The following PKP2 variants were observed in gnomAD, a reference collection of about 807,000 sequenced individuals.
The protein encoded by PKP2 is plakophilin-2.
In PKP2, 73 loss-of-function variants were observed where a neutral mutation model predicts 83.4. That is an observed-to-expected ratio of 0.88 (90% confidence interval 0.72 to 1.06). The LOEUF is 1.06. PKP2 is among the 50% of genes least tolerant of loss of function. The pLI is 0.00. For missense variants in PKP2, 966 were observed against 1,065.4 expected (o/e 0.91, Z 1.30); for synonymous variants, 409 against 430.4 (o/e 0.95, Z 0.62).
chr12:32,818,691 A>G (rs1956343316), intron 9 of PKP2, among the ~76,000 whole-genome samples: 1 of 152,198 alleles, frequency 6.6e-6, no homozygotes, highest in Admixed American at 6.5e-5. Flanking sequence ...TATGTAAATT[A>G]TATAATCTGT....
At chr12:32,803,795 A>G (rs11052247) in intron 9 of PKP2, among the ~76,000 whole-genome samples, 29,708 of 152,106 alleles carry the variant, frequency 0.2, 3,570 homozygotes, top group East Asian at 0.56. Flanking sequence ...AGGTCATTTT[A>G]TCCAATATTT....
chr12:32,819,333 A>T (rs1956353812), intron 9 of PKP2, among the ~76,000 whole-genome samples: 1 of 148,992 alleles, frequency 6.7e-6, no homozygotes, highest in Admixed American at 6.7e-5. Context: ...AAATAAAATA[A>T]AATAAAATAA....
intron 4 of PKP2, among the ~76,000 whole-genome samples, chr12:32,857,440 A>AAG (rs899759767): frequency 1.1e-3 from 174 of 151,650 alleles, no homozygotes; most frequent in African/African-American, 3.9e-3. Flanking sequence ...AAAAAGAAAA[A>AAG]AGAGAGAGAG....
At chr12:32,885,412 G>A (rs1469997109) in intron 1 of PKP2, among the ~76,000 whole-genome samples, 1 of 152,166 alleles carries the variant, frequency 6.6e-6, no homozygotes, top group Non-Finnish European at 1.5e-5. Context: ...CCAGCACTTT[G>A]GGAGGCCAAG....
chr12:32,867,568 C>T (rs1187598982), intron 4 of PKP2, among the ~76,000 whole-genome samples: 1 of 152,086 alleles, frequency 6.6e-6, no homozygotes, highest in Non-Finnish European at 1.5e-5. Context: ...CAACAGAAAT[C>T]TATGCAGCAT....
At chr12:32,895,817 G>A (rs913221879) in intron 1 of PKP2, among the ~76,000 whole-genome samples, 4 of 152,138 alleles carry the variant, frequency 2.6e-5, no homozygotes, top group African/African-American at 4.8e-5. Flanking sequence ...CATCACGCCC[G>A]CACTGGTGGG....
intron 9 of PKP2, among the ~76,000 whole-genome samples, chr12:32,803,745 T>A (rs182597960): frequency 6.6e-6 from 1 of 152,286 alleles, no homozygotes; most frequent in Non-Finnish European, 1.5e-5. Context: ...AAATATGAAA[T>A]TCATTTATCT....
chr12:32,835,342 C>T (rs571701869), intron 6 of PKP2, among the ~76,000 whole-genome samples: 9 of 152,172 alleles, frequency 5.9e-5, no homozygotes, highest in South Asian at 2.1e-4. Flanking sequence ...CATGAGCCAC[C>T]GTGCCCGGCC....
At chr12:32,852,503 T>C (rs572281029) in intron 4 of PKP2, among the ~76,000 whole-genome samples, 6 of 152,288 alleles carry the variant, frequency 3.9e-5, no homozygotes, top group African/African-American at 1.4e-4. Flanking sequence ...ACCACAGTCA[T>C]CATAATAAAG....
chr12:32,792,565 T>G, intron 12 of PKP2, 73 bp from the exon 13 acceptor site: 1 of 1,553,660 alleles, frequency 6.4e-7, no homozygotes, highest in Non-Finnish European at 8.9e-7. Flanking sequence ...TTTTAGCGAT[T>G]TCTTCCCAGG....
chr12:32,792,023 G>C lies in PKP2; in HGVS notation c.*401C>G. On this transcript the variant is annotated 3_prime_UTR_variant, in exon 13 of 13. Transcript: ENST00000340811. ...ACTGGAGGCCCAATGGCGAAGCAATGTGCACATGAGTGACAAAACATGGGA... is the reference window on the plus strand; with the variant it reads ...ACTGGAGGCCCAATGGCGAAGCAATCTGCACATGAGTGACAAAACATGGGA... 1 of 313,172 alleles carries C rather than the reference G, an allele frequency of 3.2e-6. No homozygotes were observed. Among genetic ancestry groups the C allele is most frequent in the South Asian group, 3.0e-5 (1 of 33,870 alleles). The allele number at this position is 313,172 out of a possible 1,614,324, so 19.4% of individuals were successfully genotyped here.
intron 6 of PKP2, among the ~76,000 whole-genome samples, chr12:32,839,469 C>T (rs1225896651): frequency 1.4e-5 from 2 of 148,040 alleles, no homozygotes; most frequent in African/African-American, 2.5e-5. Flanking sequence ...AGGAAATGAG[C>T]CCACTATGAA....
chr12:32,835,759 A>C (rs544205741), intron 6 of PKP2, among the ~76,000 whole-genome samples: 14 of 152,330 alleles, frequency 9.2e-5, no homozygotes, highest in African/African-American at 3.1e-4. Flanking sequence ...ATAAATGTTT[A>C]ACAACCAGCT....
chr12:32,874,023 T>C (rs537376221), intron 3 of PKP2, among the ~76,000 whole-genome samples: 3 of 152,298 alleles, frequency 2.0e-5, no homozygotes, highest in African/African-American at 7.2e-5. Context: ...TTTGTCTCTC[T>C]CACACTCCAA....
At chr12:32,819,859 TACACACAC>T (rs141866119) in intron 9 of PKP2, among the ~76,000 whole-genome samples, 1 of 143,010 alleles carries the variant, frequency 7.0e-6, no homozygotes, top group Non-Finnish European at 1.5e-5. Flanking sequence ...ACAGCAAGCT[TACACACAC>T]ACACACACGC....
intron 6 of PKP2, among the ~76,000 whole-genome samples, chr12:32,825,162 CTTTTT>C (rs10607965): frequency 1.3e-5 from 1 of 76,842 alleles, no homozygotes; most frequent in Non-Finnish European, 2.3e-5. Flanking sequence ...AGATCAGTTT[CTTTTT>C]TTTTTTTTTT....
chr12:32,851,739 A>AT (rs1162197966), intron 4 of PKP2, among the ~76,000 whole-genome samples: 2 of 152,210 alleles, frequency 1.3e-5, no homozygotes, highest in Non-Finnish European at 2.9e-5. Flanking sequence ...AAGTGCTGGG[A>AT]TTACAGGCGT....
Position 32,878,142 on chromosome 12 carries a change from T to C in PKP2, c.738A>G (p.Pro246=), listed in dbSNP as rs750469808. 6.2e-7 allele frequency: 1 copy of C among 1,614,214 alleles called. No homozygotes were observed. The highest frequency in any genetic ancestry group is 8.5e-7 in the Non-Finnish European group (1 of 1,180,038). Residue 246 remains proline (P), a synonymous_variant, in exon 3 of 13, where the codon CCA becomes CCG. Transcript: ENST00000340811. ...ANPALLTYPR[P]GTSRSMGNLL... ...GGTTGCCCATGCTGCGGCTGGTCCC[T>C]GGCCTGGGGTACGTGAGCAGGGCCG...
intron 5 of PKP2, among the ~76,000 whole-genome samples, chr12:32,850,438 A>C (rs1175350437): frequency 6.6e-6 from 1 of 151,990 alleles, no homozygotes; most frequent in Non-Finnish European, 1.5e-5. Flanking sequence ...GTGTGGTAGC[A>C]CATGCCTGTA....
Sources: allele counts gnomAD v4.1 joint callset (sites outside exome capture counted in the v4.1 genomes callset), GRCh38; gene constraint gnomAD v4.1.1; transcripts MANE v1.5; gene names NCBI Gene and HGNC (gene_info 2026-07-23, HGNC 2026-07-21).